Variants in FAT4 observed in about 807,000 individuals in gnomAD.
The protein encoded by FAT4 is FAT atypical cadherin 4.
FAT4 carries 84 observed loss-of-function variants against 303.9 expected under a neutral mutation model. That is an observed-to-expected ratio of 0.28 (90% CI 0.23 to 0.33). The LOEUF (loss-of-function observed/expected upper bound fraction) is 0.33, where lower values mean the gene tolerates loss of function less well. Among genes scored for constraint, FAT4 ranks in the 10% least tolerant of loss-of-function variants. The pLI, the probability that FAT4 is intolerant of heterozygous loss-of-function variation, is 1.00. For synonymous variants in FAT4, 2,307 were observed against 2,298.8 expected, an observed-to-expected ratio of 1.00 and a Z score of -0.10; for missense variants, 6,005 against 6,146.8, an observed-to-expected ratio of 0.98 and a Z score of 0.77.
At chr4:125,484,113 G>A (rs919920155) in intron 16 of FAT4, among the ~76,000 whole-genome samples, 13 of 149,986 alleles carry the variant, frequency 8.7e-5, no homozygotes, top group African/African-American at 3.2e-4. Context: ...AGAAGATGAG[G>A]ACATTTTGTG....
At chr4:125,427,213 T>C (rs1010310430) in intron 7 of FAT4, among the ~76,000 whole-genome samples, 2 of 151,788 alleles carry the variant, frequency 1.3e-5, no homozygotes, top group Admixed American at 6.6e-5. Context: ...TATGATAAGA[T>C]GTACTTATCA....
At chr4:125,423,809 G>A (rs948627128) in intron 7 of FAT4, among the ~76,000 whole-genome samples, 1 of 152,186 alleles carries the variant, frequency 6.6e-6, no homozygotes, top group Non-Finnish European at 1.5e-5. Context: ...TCTTGCATCA[G>A]CATGCCCTGG....
In FAT4 at chr4:125,317,488, G is replaced by A. The variant is rs1730666522; in HGVS notation, c.1077G>A (p.Pro359=). 3 of 1,613,746 alleles carry A rather than the reference G, an allele frequency of 1.9e-6. No homozygotes were observed. Among genetic ancestry groups the A allele is most frequent in the Non-Finnish European group, 2.5e-6 (3 of 1,180,042 alleles). Reference sequence around the variant, plus strand: ...CGGTAGTGAAGTTCCGCTACTTCCCGGCCACCTCGCGCTACGCCTCGGTAG... The same window carrying A: ...CGGTAGTGAAGTTCCGCTACTTCCCAGCCACCTCGCGCTACGCCTCGGTAG... The part of the protein sequence containing the change: ...NDPVVKFRYF[P]ATSRYASVDE... The change falls in exon 2 of 18, where the codon CCG becomes CCA. Residue 359 remains proline, a synonymous_variant. Coordinates refer to ENST00000394329, the MANE Select transcript of FAT4 (RefSeq NM_001291303.3). The surrounding 1 kb of genome is among the most constrained non-coding windows in gnomAD (Gnocchi z 7.0).
At chr4:125,457,430 A>G (rs1011587135) in intron 10 of FAT4, among the ~76,000 whole-genome samples, 6 of 152,130 alleles carry the variant, frequency 3.9e-5, no homozygotes, top group Middle Eastern at 3.2e-3. Context: ...CAAGTCTGTA[A>G]CCATGCACAT....
At chr4:125,401,278 T>G (rs1318519251) in intron 3 of FAT4, among the ~76,000 whole-genome samples, 2 of 152,062 alleles carry the variant, frequency 1.3e-5, no homozygotes, top group Non-Finnish European at 2.9e-5. Flanking sequence ...TTTAGAATTT[T>G]GGGCTGTTTT....
At chr4:125,368,151 GC>G (rs1333788060) in intron 2 of FAT4, among the ~76,000 whole-genome samples, 1 of 152,088 alleles carries the variant, frequency 6.6e-6, no homozygotes, top group Non-Finnish European at 1.5e-5. Flanking sequence ...TCTTGAAATG[GC>G]CTTTCACTGT....
chr4:125,428,723 A>G (rs944835323), intron 7 of FAT4, among the ~76,000 whole-genome samples: 1 of 152,182 alleles, frequency 6.6e-6, no homozygotes, highest in African/African-American at 2.4e-5. Flanking sequence ...ACAAATTTAA[A>G]TTTGAAATTT....
At chr4:125,371,367 T>C (rs1405208324) in intron 2 of FAT4, among the ~76,000 whole-genome samples, 1 of 151,846 alleles carries the variant, frequency 6.6e-6, no homozygotes, top group African/African-American at 2.4e-5. Context: ...TGCCTTTTTA[T>C]AGAATTTCTT....
In FAT4 at chr4:125,316,733, C is replaced by T; in HGVS notation, c.322C>T (p.Leu108=). 1.2e-6 allele frequency: 2 copies of T among 1,614,008 alleles called. No individual in the cohort carries two copies. The highest frequency in any genetic ancestry group is 8.5e-7 in the Non-Finnish European group (1 of 1,180,044). The change falls in exon 2 of 18, where the codon CTG becomes TTG. Residue 108 remains leucine (L), a synonymous_variant. Coordinates refer to ENST00000394329, the MANE Select transcript of FAT4 (RefSeq NM_001291303.3). The surrounding 1 kb of genome is among the most constrained non-coding windows in gnomAD (Gnocchi z 5.7). ...GAGCCTGCCCAGCGACGTGATCAAC[C>T]TGGTGGTCCTTTCCAGCGCGCCCAC... ...RESLPSDVIN[L]VVLSSAPTYP... is the part of the protein sequence containing the mutation.
chr4:125,364,484 G>A (rs1732791774), intron 2 of FAT4, among the ~76,000 whole-genome samples: 1 of 151,070 alleles, frequency 6.6e-6, no homozygotes, highest in African/African-American at 2.4e-5. Flanking sequence ...AAGAATAGGG[G>A]ACTTTCAGAA....
chr4:125,408,898 G>T (rs972666321), intron 5 of FAT4, 104 bp downstream of exon 5: 6 of 574,170 alleles, frequency 1.0e-5, no homozygotes, highest in Non-Finnish European at 1.1e-5. Context: ...TGCATTTTGT[G>T]AATATAGGTT....
chr4:125,321,261 T>G lies in FAT4; in HGVS notation c.4850T>G (p.Leu1617Trp), dbSNP rs751264345. The change falls in exon 2 of 18, where the codon TTG becomes TGG. Residue 1617 changes from leucine (L) to tryptophan (W), a missense_variant. Coordinates refer to ENST00000394329, the MANE Select transcript of FAT4 (RefSeq NM_001291303.3). ...GPERRKSTTE[L>W]TIILQGLDGP... ...GAAAGGAGGAAATCGACCACTGAAT[T>G]GACCATCATTCTTCAGGGCCTTGAT... is the stretch of plus-strand genomic sequence containing the variant. 9.9e-6 allele frequency: 16 copies of G among 1,614,170 alleles called. No homozygotes were observed. The highest frequency in any genetic ancestry group is 1.4e-5 in the Non-Finnish European group (16 of 1,179,974).
intron 2 of FAT4, among the ~76,000 whole-genome samples, chr4:125,389,339 C>G (rs1410544385): frequency 2.0e-5 from 3 of 152,016 alleles, no homozygotes; most frequent in Admixed American, 2.0e-4. Flanking sequence ...ACCATTATAT[C>G]ATGTTTCTTG....
At position 125,449,576 on chromosome 4, in the gene FAT4, G is replaced by A. The variant is rs771059599; in HGVS notation, c.8566G>A (p.Val2856Ile). 2.5e-6 allele frequency: 4 copies of A among 1,613,646 alleles called. No individual in the cohort carries two copies. The East Asian group carries it at 6.7e-5, about 27-fold the overall frequency. The change falls in exon 10 of 18, where the codon GTA (valine) becomes ATA (isoleucine). Residue 2856 changes from valine to isoleucine, a missense_variant. Coordinates refer to ENST00000394329, the MANE Select transcript of FAT4 (RefSeq NM_001291303.3). ...RVSAHDSGWT[V>I]STDVTIFVTD... Reference sequence around the variant, plus strand: ...TTCCGCACATGATTCTGGGTGGACTGTAAGTACAGATGTCACAATATTTGT... The same window carrying A: ...TTCCGCACATGATTCTGGGTGGACTATAAGTACAGATGTCACAATATTTGT...
intron 2 of FAT4, among the ~76,000 whole-genome samples, chr4:125,380,017 C>T (rs1409339896): frequency 6.6e-6 from 1 of 152,096 alleles, no homozygotes; most frequent in Non-Finnish European, 1.5e-5. Flanking sequence ...CCTCAGCCTC[C>T]TGAGTAGCTG....
At position 125,319,799 on chromosome 4, in the gene FAT4, G is replaced by A. The variant is rs2125943234; in HGVS notation, c.3388G>A (p.Gly1130Arg). The A allele has an allele frequency of 1.2e-6, 2 of 1,614,166 alleles. No homozygotes were observed. Among genetic ancestry groups the A allele is most frequent in the South Asian group, 2.2e-5 (2 of 91,076 alleles). Residue 1130 changes from glycine (G) to arginine (R), a missense_variant, in exon 2 of 18, where the codon GGG becomes AGG. Transcript: ENST00000394329. ...GKVSAVDKDF[G>R]PNGEVRYSFE... ...AGTAAGTGCTGTAGATAAAGACTTT[G>A]GGCCAAATGGAGAAGTAAGGTATTC...
rs1185133335 is a variant in FAT4, at chr4:125,491,196, G to T, written c.14380G>T (p.Val4794Leu). ...TCCAGTCGGACTTTCTATTGAAGAA[G>T]TGGAGAGGCTCAACACACCTCGCCC... ...SPPVGLSIEEVERLNTPRPRN... is the reference protein window; with the variant it reads ...SPPVGLSIEELERLNTPRPRN... Residue 4794 changes from valine (V) to leucine (L), a missense_variant, in exon 18 of 18, where the codon GTG (valine) becomes TTG (leucine). By Grantham distance (32) the Val-to-Leu change is conservative. Coordinates refer to ENST00000394329, the MANE Select transcript of FAT4 (RefSeq NM_001291303.3). 6.2e-7 allele frequency: 1 copy of T among 1,614,106 alleles called. No homozygotes were observed. The highest frequency in any genetic ancestry group is 1.7e-5 in the Admixed American group (1 of 60,020).
rs1190910982 is a variant in FAT4, at chr4:125,487,754, G to A, written c.13084+148G>A. 3 of 756,092 alleles carry A rather than the reference G, an allele frequency of 4.0e-6. No individual in the cohort carries two copies. In the East Asian group the frequency reaches 9.0e-5, roughly 23 times the overall value. The allele number at this position is 756,092 out of a possible 1,614,324, so 46.8% of individuals were successfully genotyped here. A position where few individuals can be genotyped will look rare whatever the true frequency, so the allele number is the denominator to read the frequency against. ...AATAAAATTTATGTTTAAAAAAGTAGTTTGATGTCTGATAATATCAATTAT... is the reference window on the plus strand; with the variant it reads ...AATAAAATTTATGTTTAAAAAAGTAATTTGATGTCTGATAATATCAATTAT... On this transcript the variant is annotated intron_variant, in intron 17 of 17. Coordinates refer to ENST00000394329, the MANE Select transcript of FAT4 (RefSeq NM_001291303.3).
At chr4:125,471,995 C>A (rs1396802386) in intron 12 of FAT4, among the ~76,000 whole-genome samples, 3 of 143,958 alleles carry the variant, frequency 2.1e-5, no homozygotes, top group Non-Finnish European at 4.5e-5. Context: ...ATGGCGTGAA[C>A]CTGGGAGGCG....
Sources: gnomAD v4.1 joint callset for allele counts (sites outside exome capture counted in the v4.1 genomes callset) on GRCh38, gnomAD v4.1.1 for gene constraint, Gnocchi (gnomAD v3.1) non-coding constraint, MANE v1.5 for transcripts, NCBI Gene and HGNC (gene_info 2026-07-23, HGNC 2026-07-21) for gene names.